Variants in FAM107A observed in about 807,000 individuals in gnomAD.
FAM107A encodes actin-associated protein FAM107A.
Under a neutral mutation model 13.7 loss-of-function variants are expected in FAM107A, and 19 were observed. The ratio of observed to expected loss-of-function variants is 1.38; its 90% CI spans 0.97 to 2.03. The LOEUF (loss-of-function observed/expected upper bound fraction) is 2.03, where lower values mean the gene tolerates loss of function less well. Ranked by LOEUF, FAM107A falls within the 30% of genes most tolerant of loss-of-function variation. The probability of loss-of-function intolerance (pLI) is 0.00; values close to 1 mark genes in which losing one functional copy is unlikely to be tolerated. For missense variants in FAM107A, 203 were observed against 184.4 expected (o/e 1.10, Z -0.58); for synonymous variants, 82 against 74.5 (o/e 1.10, Z -0.52).
upstream of FAM107A, among the ~76,000 whole-genome samples, chr3:58,587,665 C>T (rs534729171): frequency 5.9e-5 from 9 of 152,124 alleles, no homozygotes; most frequent in African/African-American, 2.2e-4. Flanking sequence ...CTATGGAACT[C>T]CACCAGATTG....
chr3:58,625,517 C>G (rs56223685), intron 1 of FAM107A, among the ~76,000 whole-genome samples: 1 of 152,212 alleles, frequency 6.6e-6, no homozygotes, highest in Non-Finnish European at 1.5e-5. Flanking sequence ...ACCCTCAGAT[C>G]ACACTAAGGC....
rs1453265852 is a variant in FAM107A, at chr3:58,617,937, G to C, written c.-70+9479C>G. Among the ~76,000 whole-genome samples the C allele has an allele frequency of 6.6e-6, 1 of 152,202 alleles. No homozygotes were observed. The highest frequency in any genetic ancestry group is 1.5e-5 in the Non-Finnish European group (1 of 68,036). On this transcript the variant is annotated intron_variant, in intron 1 of 3. Transcript: ENST00000465970. This position sits in a 1 kb window ranked among gnomAD's most constrained non-coding sequence, Gnocchi z 4.5. Reference sequence around the variant, plus strand: ...GGGCTGTGGAGCCAGAAGTATCCAAGTTCAAGTCCCAGCTCTGGCACTTGT... The same window carrying C: ...GGGCTGTGGAGCCAGAAGTATCCAACTTCAAGTCCCAGCTCTGGCACTTGT...
chr3:58,612,452 T>C (rs555430356), intron 1 of FAM107A, among the ~76,000 whole-genome samples: 3 of 151,996 alleles, frequency 2.0e-5, no homozygotes, highest in South Asian at 4.2e-4. Flanking sequence ...TGGAGGCACA[T>C]ACCTATAGTA....
upstream of FAM107A, among the ~76,000 whole-genome samples, chr3:58,578,103 G>A (rs1297732260): frequency 1.3e-5 from 2 of 152,140 alleles, no homozygotes; most frequent in African/African-American, 2.4e-5. Context: ...GAGATGACAT[G>A]GATGAGATGA....
At chr3:58,611,373 T>G (rs2065852586) in intron 1 of FAM107A, among the ~76,000 whole-genome samples, 1 of 152,184 alleles carries the variant, frequency 6.6e-6, no homozygotes, top group Non-Finnish European at 1.5e-5. Flanking sequence ...AGAGAGGGTG[T>G]CATTATGAAC....
chr3:58,610,267 T>C (rs1307894765), intron 1 of FAM107A, among the ~76,000 whole-genome samples: 1 of 152,116 alleles, frequency 6.6e-6, no homozygotes. Flanking sequence ...AAACTGAGGC[T>C]CAGAGATGGT....
chr3:58,612,064 G>T (rs1416190408), intron 1 of FAM107A, among the ~76,000 whole-genome samples: 1 of 151,974 alleles, frequency 6.6e-6, no homozygotes, highest in Non-Finnish European at 1.5e-5. Flanking sequence ...TCTTTGGAAA[G>T]TCTACATGTC....
chr3:58,623,493 CCACT>C (rs2065978590), intron 1 of FAM107A, among the ~76,000 whole-genome samples: 1 of 152,198 alleles, frequency 6.6e-6, no homozygotes, highest in South Asian at 2.1e-4. Context: ...CCCTGAGCAC[CCACT>C]GAGTGCTGGG....
intron 1 of FAM107A, among the ~76,000 whole-genome samples, chr3:58,601,912 C>T (rs1161033539): frequency 6.6e-6 from 1 of 152,050 alleles, no homozygotes; most frequent in African/African-American, 2.4e-5. Context: ...GTGGTGTAAA[C>T]GTGGATGGGG....
At chr3:58,605,178 T>C (rs2065782511) in intron 1 of FAM107A, among the ~76,000 whole-genome samples, 1 of 152,200 alleles carries the variant, frequency 6.6e-6, no homozygotes, top group Non-Finnish European at 1.5e-5. Context: ...CTTTCTGGTG[T>C]CTCAGCTTGA....
intron 1 of FAM107A, among the ~76,000 whole-genome samples, chr3:58,574,027 T>A (rs1288768111): frequency 2.6e-5 from 4 of 152,232 alleles, no homozygotes. Flanking sequence ...AGTTGAGCGC[T>A]TGGGGCTGGC....
At chr3:58,600,204 T>C (rs2065742345) in intron 1 of FAM107A, among the ~76,000 whole-genome samples, 1 of 152,164 alleles carries the variant, frequency 6.6e-6, no homozygotes, top group African/African-American at 2.4e-5. Flanking sequence ...CTTGACTGTT[T>C]TCTGAGCATC....
upstream of FAM107A, chr3:58,589,135 A>G (rs2065634364): frequency 1.0e-6 from 1 of 973,862 alleles, no homozygotes; most frequent in Non-Finnish European, 1.6e-6. Flanking sequence ...TGGCCATGGG[A>G]TGTACTTTTG....
chr3:58,569,659 G>T lies in FAM107A; in HGVS notation c.170+32C>A, dbSNP rs7609991. On this transcript the variant is annotated intron_variant, in intron 2 of 3. Transcript: ENST00000360997. This position sits in a 1 kb window ranked among gnomAD's most constrained non-coding sequence, Gnocchi z 5.7. ...CCATCCCCCACAGGCCCAGGTGCTT[G>T]CGGGGCCCAGGCAGCAGGGCTTCAT... The T allele has an allele frequency of 0.39, 616,046 of 1,582,226 alleles. 127,347 individuals are homozygous for T. Among genetic ancestry groups the T allele is most frequent in the East Asian group, 0.76 (33,788 of 44,378 alleles).
intron 1 of FAM107A, chr3:58,627,007 G>T: frequency 1.3e-6 from 2 of 1,536,034 alleles, no homozygotes; most frequent in Non-Finnish European, 1.7e-6. Flanking sequence ...CACGAAGTGG[G>T]CACCAGGCCT....
intron 1 of FAM107A, among the ~76,000 whole-genome samples, chr3:58,621,844 T>G (rs1042549268): frequency 6.6e-6 from 1 of 152,234 alleles, no homozygotes; most frequent in African/African-American, 2.4e-5. Flanking sequence ...AAGAGAGTGC[T>G]GCCTGGCTAG....
chr3:58,625,662 T>C (rs2106648287), intron 1 of FAM107A, among the ~76,000 whole-genome samples: 1 of 152,350 alleles, frequency 6.6e-6, no homozygotes, highest in Non-Finnish European at 1.5e-5. Context: ...CTGCTCAGCA[T>C]AAATTTCTAC....
At chr3:58,600,184 G>A (rs13096581) in intron 1 of FAM107A, among the ~76,000 whole-genome samples, 20,830 of 151,904 alleles carry the variant, frequency 0.14, 1,812 homozygotes, top group Non-Finnish European at 0.18. Context: ...TTTGGAAAGG[G>A]GAAAAGGGGC....
chr3:58,614,014 T>C (rs1323089705), intron 1 of FAM107A, among the ~76,000 whole-genome samples: 1 of 152,222 alleles, frequency 6.6e-6, no homozygotes, highest in Non-Finnish European at 1.5e-5. Flanking sequence ...AGTATTCACC[T>C]GGCTGAGCCT....
Sources: gnomAD v4.1 joint callset for allele counts (sites outside exome capture counted in the v4.1 genomes callset) on GRCh38, gnomAD v4.1.1 for gene constraint, Gnocchi (gnomAD v3.1) non-coding constraint, MANE v1.5 for transcripts, NCBI Gene and HGNC (gene_info 2026-07-23, HGNC 2026-07-21) for gene names.